OR9Q1: variants seen among roughly 807,000 people sequenced by gnomAD.
The protein encoded by OR9Q1 is olfactory receptor family 9 subfamily Q member 1, also known as olfactory receptor 9Q1.
For synonymous variants in OR9Q1, 153 were observed against 148.6 expected (o/e 1.03, Z -0.22); for missense variants, 374 against 378.8 (o/e 0.99, Z 0.11).
intron 2 of OR9Q1, among the ~76,000 whole-genome samples, chr11:58,090,612 T>G (rs1853674773): frequency 6.6e-6 from 1 of 152,174 alleles, no homozygotes; most frequent in African/African-American, 2.4e-5. Context: ...TTTTCTTTTT[T>G]TGTGGTGTGT....
chr11:58,095,528 C>T (rs1006517287), intron 2 of OR9Q1, among the ~76,000 whole-genome samples: 11 of 152,210 alleles, frequency 7.2e-5, no homozygotes, highest in Non-Finnish European at 1.0e-4. Context: ...GGGGAGGCCT[C>T]GTAAACTTAT....
At chr11:58,126,645 C>T (rs1301257140) in intron 2 of OR9Q1, among the ~76,000 whole-genome samples, 2 of 152,124 alleles carry the variant, frequency 1.3e-5, no homozygotes, top group African/African-American at 4.8e-5. Flanking sequence ...TTCTACCTTC[C>T]AATACATTTT....
intron 2 of OR9Q1, among the ~76,000 whole-genome samples, chr11:58,164,971 CT>C (rs1854487916): frequency 6.6e-6 from 1 of 152,148 alleles, no homozygotes; most frequent in African/African-American, 2.4e-5. Flanking sequence ...CACTTATTAC[CT>C]TTTAATGAGG....
At chr11:58,109,176 G>A (rs950121687) in intron 2 of OR9Q1, 4 of 490,230 alleles carry the variant, frequency 8.2e-6, no homozygotes, top group African/African-American at 3.9e-5. Flanking sequence ...GGGTGAAGGT[G>A]CACGTGGTAT....
intron 1 of OR9Q1, chr11:58,031,630 C>G: frequency 1.9e-6 from 3 of 1,608,652 alleles, no homozygotes; most frequent in Non-Finnish European, 2.5e-6. Context: ...GCAACATCGT[C>G]TGGACACTGC....
chr11:58,088,653 A>C (rs187267737), intron 2 of OR9Q1, among the ~76,000 whole-genome samples: 1 of 150,336 alleles, frequency 6.7e-6, no homozygotes, highest in African/African-American at 2.4e-5. Flanking sequence ...TCCTTCACCC[A>C]CTTTTTGATG....
intron 2 of OR9Q1, among the ~76,000 whole-genome samples, chr11:58,115,990 T>A (rs1021527317): frequency 7.2e-5 from 11 of 152,208 alleles, no homozygotes; most frequent in African/African-American, 2.7e-4. Context: ...ATCCCTATAT[T>A]GTGACTTTGT....
intron 2 of OR9Q1, among the ~76,000 whole-genome samples, chr11:58,148,888 T>A (rs1194923299): frequency 1.3e-5 from 2 of 152,220 alleles, no homozygotes; most frequent in African/African-American, 4.8e-5. Context: ...GAGATCAAGA[T>A]GCTTCATGGA....
chr11:58,122,961 T>TG (rs1404705306), intron 2 of OR9Q1, among the ~76,000 whole-genome samples: 6 of 139,294 alleles, frequency 4.3e-5, no homozygotes, highest in Non-Finnish European at 8.2e-5. Flanking sequence ...TGGTAAATTT[T>TG]GTTTTTTTTT....
At chr11:58,040,123 A>G (rs1853146296) in intron 1 of OR9Q1, among the ~76,000 whole-genome samples, 1 of 152,040 alleles carries the variant, frequency 6.6e-6, no homozygotes. Flanking sequence ...AGGGCTTGAA[A>G]CCTGTTCATT....
chr11:58,139,478 CTGTGTCTA>C (rs1487125491), intron 2 of OR9Q1, among the ~76,000 whole-genome samples: 2 of 152,038 alleles, frequency 1.3e-5, no homozygotes. Flanking sequence ...GTTCCCCTTC[CTGTGTCTA>C]TGTGTTCTCA....
At chr11:58,125,350 A>G (rs1854081146) in intron 2 of OR9Q1, 1 of 151,402 alleles carries the variant, frequency 6.6e-6, no homozygotes, top group African/African-American at 2.4e-5. Flanking sequence ...TGACAAAGGC[A>G]AGATTCTCTG....
chr11:58,030,470 T>C (rs1853020592), intron 1 of OR9Q1, among the ~76,000 whole-genome samples: 1 of 152,224 alleles, frequency 6.6e-6, no homozygotes, highest in Non-Finnish European at 1.5e-5. Flanking sequence ...TTAGGTTCTC[T>C]TTTATTTGAA....
At chr11:58,064,632 G>A (rs1386451941) in intron 2 of OR9Q1, among the ~76,000 whole-genome samples, 9 of 152,276 alleles carry the variant, frequency 5.9e-5, no homozygotes, top group African/African-American at 2.2e-4. Flanking sequence ...AGATGCAGGA[G>A]TCATAAATCT....
intron 1 of OR9Q1, among the ~76,000 whole-genome samples, chr11:58,035,660 T>C (rs1565055532): frequency 6.6e-6 from 1 of 152,168 alleles, no homozygotes; most frequent in African/African-American, 2.4e-5. Context: ...AATGAGCATA[T>C]TGCAATATGG....
Position 58,069,042 on chromosome 11 carries a change from G to A in OR9Q1, c.-15+13095G>A, listed in dbSNP as rs112958626. ...GTTCAGCCATGTGGGGACTGTCTCCGCCTGTGAGTGACAGTCCAGTGCCTC... is the reference window on the plus strand; with the variant it reads ...GTTCAGCCATGTGGGGACTGTCTCCACCTGTGAGTGACAGTCCAGTGCCTC... On this transcript the variant is annotated intron_variant, in intron 2 of 2. Transcript: ENST00000335397. Among the ~76,000 whole-genome samples, 11 of 152,264 alleles carry A rather than the reference G, an allele frequency of 7.2e-5. 1 individual carries two copies. The highest frequency in any genetic ancestry group is 1.9e-4 in the African/African-American group (8 of 41,556).
intron 2 of OR9Q1, among the ~76,000 whole-genome samples, chr11:58,094,592 A>G (rs1361808669): frequency 6.6e-6 from 1 of 152,220 alleles, no homozygotes; most frequent in Non-Finnish European, 1.5e-5. Flanking sequence ...CAAAAATCAA[A>G]TTATTGGAAT....
chr11:58,048,562 G>C (rs1853243598), intron 1 of OR9Q1, among the ~76,000 whole-genome samples: 1 of 151,328 alleles, frequency 6.6e-6, no homozygotes, highest in South Asian at 2.1e-4. Flanking sequence ...TTGGGAGGCT[G>C]AGACAGAAGA....
intron 2 of OR9Q1, among the ~76,000 whole-genome samples, chr11:58,150,923 CT>C (rs1329654169): frequency 1.1e-4 from 16 of 152,128 alleles, no homozygotes; most frequent in African/African-American, 3.9e-4. Context: ...GTTATTGCCC[CT>C]GAAGACCTTC....
Sources: gnomAD v4.1 joint callset for allele counts (sites outside exome capture counted in the v4.1 genomes callset) on GRCh38, gnomAD v4.1.1 for gene constraint, MANE v1.5 for transcripts, NCBI Gene and HGNC (gene_info 2026-07-23, HGNC 2026-07-21) for gene names.